Variants in WWOX observed in about 807,000 individuals in gnomAD.
The protein encoded by WWOX is WW domain-containing oxidoreductase.
WWOX carries 69 observed loss-of-function variants against 46.2 expected under a neutral mutation model. That is an observed-to-expected ratio of 1.49 (90% CI 1.23 to 1.82). The LOEUF (loss-of-function observed/expected upper bound fraction) is 1.82. Among genes scored for constraint, WWOX ranks in the 40% most tolerant of loss-of-function variants. The pLI, the probability that WWOX is intolerant of heterozygous loss-of-function variation, is 0.00. For synonymous variants in WWOX, 359 were observed against 202.6 expected (o/e 1.77, Z -6.56); for missense variants, 919 against 542.6 (o/e 1.69, Z -6.89).
chr16:79,124,520 G>A (rs1478461332), intron 8 of WWOX, among the ~76,000 whole-genome samples: 1 of 152,228 alleles, frequency 6.6e-6, no homozygotes, highest in East Asian at 1.9e-4. Flanking sequence ...TTAGGACTGA[G>A]TTCATTCTTG....
intron 8 of WWOX, among the ~76,000 whole-genome samples, chr16:78,794,945 T>G (rs2050699113): frequency 6.6e-6 from 1 of 152,228 alleles, no homozygotes; most frequent in South Asian, 2.1e-4. Context: ...TATCTATGGT[T>G]GATAAATTAA....
chr16:78,621,498 C>T (rs1483706677), intron 8 of WWOX, among the ~76,000 whole-genome samples: 4 of 150,720 alleles, frequency 2.7e-5, no homozygotes, highest in African/African-American at 9.8e-5. Context: ...TACACATTTC[C>T]ATTTTACTTC....
At position 78,877,918 on chromosome 16, in the gene WWOX, G is replaced by C. The variant is rs540467279; in HGVS notation, c.1057-333690G>C. On this transcript the variant is annotated intron_variant, in intron 8 of 8. Transcript: ENST00000566780. ...ACTTCAGCGCCCACAGATACTCCTG[G>C]ATGAGAGGGGATTGGAAACCAGGTC... Among the ~76,000 whole-genome samples the C allele has an allele frequency of 2.4e-4, 36 of 152,264 alleles. No individual in the cohort carries two copies. The South Asian group carries it at 7.5e-3, about 32-fold the overall frequency.
intron 8 of WWOX, among the ~76,000 whole-genome samples, chr16:79,170,606 A>AT (rs2050681422): frequency 9.9e-6 from 1 of 101,226 alleles, no homozygotes; most frequent in African/African-American, 5.1e-5. Context: ...GAAAATAAAA[A>AT]TTTTTTACTT....
At chr16:78,323,119 T>C (rs1465710864) in intron 5 of WWOX, among the ~76,000 whole-genome samples, 1 of 152,062 alleles carries the variant, frequency 6.6e-6, no homozygotes, top group African/African-American at 2.4e-5. Context: ...TTTTTGTTTG[T>C]TTGTTTGAGA....
intron 5 of WWOX, among the ~76,000 whole-genome samples, chr16:78,254,096 T>C (rs1255389708): frequency 1.3e-5 from 2 of 151,772 alleles, no homozygotes; most frequent in Non-Finnish European, 2.9e-5. Flanking sequence ...TCTGAGACAA[T>C]GAGTTGTTCT....
At chr16:78,128,284 C>T (rs1449465184) in intron 4 of WWOX, among the ~76,000 whole-genome samples, 2 of 152,082 alleles carry the variant, frequency 1.3e-5, no homozygotes, top group Non-Finnish European at 2.9e-5. Flanking sequence ...AACAGGGTTG[C>T]ATGTCATGCA....
At chr16:78,899,709 C>T (rs768490494) in intron 8 of WWOX, 3 of 152,144 alleles carry the variant, frequency 2.0e-5, no homozygotes, top group Non-Finnish European at 2.9e-5. Context: ...CTTCATATTC[C>T]ACTTTTTAGT....
chr16:78,112,476 C>A (rs1184901551), intron 3 of WWOX, among the ~76,000 whole-genome samples: 1 of 152,084 alleles, frequency 6.6e-6, no homozygotes, highest in Admixed American at 6.5e-5. Context: ...ATATTGAGAG[C>A]AAATAGGCCA....
chr16:78,696,954 G>C (rs1231394661), intron 8 of WWOX, among the ~76,000 whole-genome samples: 15 of 152,000 alleles, frequency 9.9e-5, no homozygotes, highest in Admixed American at 9.8e-4. Flanking sequence ...TTAGAATAAT[G>C]GTCTCCAGTC....
intron 8 of WWOX, among the ~76,000 whole-genome samples, chr16:78,957,051 G>C (rs777608611): frequency 6.6e-6 from 1 of 152,202 alleles, no homozygotes; most frequent in Non-Finnish European, 1.5e-5. Flanking sequence ...CTTGCCTCAT[G>C]TGACTTTCTA....
chr16:78,843,672 C>T (rs879903423), intron 8 of WWOX, among the ~76,000 whole-genome samples: 2 of 132,684 alleles, frequency 1.5e-5, no homozygotes, highest in Non-Finnish European at 3.5e-5. Flanking sequence ...AATTCATTCC[C>T]TCTCCGTGGC....
chr16:78,456,383 TAA>T (rs11367403), intron 8 of WWOX, among the ~76,000 whole-genome samples: 3 of 151,896 alleles, frequency 2.0e-5, no homozygotes, highest in African/African-American at 7.3e-5. Context: ...ACAAACTTGT[TAA>T]AAAAAATTTA....
chr16:78,834,661 T>G (rs911937712), intron 8 of WWOX, among the ~76,000 whole-genome samples: 2 of 152,170 alleles, frequency 1.3e-5, no homozygotes, highest in African/African-American at 2.4e-5. Flanking sequence ...TCTTGAACAT[T>G]CCACTGACTT....
intron 6 of WWOX, among the ~76,000 whole-genome samples, chr16:78,413,921 G>A (rs748722188): frequency 2.6e-5 from 4 of 151,538 alleles, no homozygotes; most frequent in Non-Finnish European, 5.9e-5. Context: ...AAGCTGAGCC[G>A]TCATAACCCC....
At position 78,694,534 on chromosome 16, in the gene WWOX, A is replaced by T. The variant is rs932669545; in HGVS notation, c.1056+261782A>T. Among the ~76,000 whole-genome samples, 4 of 152,024 alleles carry T rather than the reference A, an allele frequency of 2.6e-5. No individual in the cohort carries two copies. In the South Asian group the frequency reaches 8.3e-4, roughly 32 times the overall value. On this transcript the variant is annotated intron_variant, in intron 8 of 8. Transcript: ENST00000566780. ...AATTCAGTGCAAACCCATAAATTCC[A>T]CTTTGCCTCTGGTAGCAGCCTGCAT...
intron 5 of WWOX, among the ~76,000 whole-genome samples, chr16:78,383,037 C>G (rs536732373): frequency 4.1e-4 from 62 of 150,656 alleles, no homozygotes; most frequent in Middle Eastern, 3.4e-3. Flanking sequence ...GTGATATGCT[C>G]TTGTAAACAA....
chr16:79,112,411 C>G (rs986101118), intron 8 of WWOX, among the ~76,000 whole-genome samples: 1 of 152,128 alleles, frequency 6.6e-6, no homozygotes, highest in Non-Finnish European at 1.5e-5. Flanking sequence ...TACCCTGGAC[C>G]AAGAACTGTT....
At chr16:78,717,425 T>C (rs2048589495) in intron 8 of WWOX, among the ~76,000 whole-genome samples, 1 of 152,230 alleles carries the variant, frequency 6.6e-6, no homozygotes, top group Admixed American at 6.5e-5. Context: ...CCTTATCTTG[T>C]TCATTGCTAT....
Sources: gnomAD v4.1 joint callset for allele counts (sites outside exome capture counted in the v4.1 genomes callset) on GRCh38, gnomAD v4.1.1 for gene constraint, MANE v1.5 for transcripts, NCBI Gene and HGNC (gene_info 2026-07-23, HGNC 2026-07-21) for gene names.